Variants in GNAL observed in about 807,000 individuals in gnomAD.
The protein encoded by GNAL is guanine nucleotide-binding protein G(olf) subunit alpha.
Under a neutral mutation model 55.1 loss-of-function variants are expected in GNAL, and 18 were observed. The ratio of observed to expected loss-of-function variants is 0.33; its 90% CI spans 0.23 to 0.48. The LOEUF is 0.48. Ranked by LOEUF, GNAL falls within the 20% of genes least tolerant of loss-of-function variation. The pLI, the probability that GNAL is intolerant of heterozygous loss-of-function variation, is 0.99. For synonymous variants in GNAL, 253 were observed against 237.0 expected (o/e 1.07, Z -0.62); for missense variants, 412 against 614.1 (o/e 0.67, Z 3.48).
At chr18:11,728,285 G>T (rs1201763062) in intron 1 of GNAL, among the ~76,000 whole-genome samples, 2 of 152,008 alleles carry the variant, frequency 1.3e-5, no homozygotes, top group Non-Finnish European at 2.9e-5. Flanking sequence ...GTGGGGTGGG[G>T]GGAGTAAGGC....
chr18:11,776,366 T>G (rs1017237574), intron 4 of GNAL, among the ~76,000 whole-genome samples: 3 of 152,196 alleles, frequency 2.0e-5, no homozygotes, highest in Admixed American at 6.5e-5. Flanking sequence ...TTCACACTTG[T>G]AAGAGCGTCA....
chr18:11,758,352 C>T (rs963240178), intron 4 of GNAL, among the ~76,000 whole-genome samples: 1 of 152,130 alleles, frequency 6.6e-6, no homozygotes, highest in East Asian at 1.9e-4. Flanking sequence ...TATCCATAAA[C>T]TGGTATTGTT....
Position 11,752,374 on chromosome 18 carries a change from A to G in GNAL, c.377-479A>G, listed in dbSNP as rs1285353763. ...GTCGCAGGAGCCGCACACGTCTCCA[A>G]CTCTCTATTGCTTTTTGCGCACATT... On this transcript the variant is annotated intron_variant, in intron 1 of 11. Transcript: ENST00000334049. This position sits in a 1 kb window ranked among gnomAD's most constrained non-coding sequence, Gnocchi z 4.5. 1 of 1,555,726 alleles carries G rather than the reference A, an allele frequency of 6.4e-7. No individual in the cohort carries two copies. Among genetic ancestry groups the G allele is most frequent in the South Asian group, 1.2e-5 (1 of 84,268 alleles).
intron 5 of GNAL, among the ~76,000 whole-genome samples, chr18:11,827,805 A>G (rs2035285584): frequency 6.6e-6 from 1 of 151,696 alleles, no homozygotes; most frequent in African/African-American, 2.4e-5. Context: ...CCCCGTCTCT[A>G]CTAAAAATAC....
At chr18:11,797,895 T>A (rs1408293786) in intron 4 of GNAL, among the ~76,000 whole-genome samples, 5 of 152,180 alleles carry the variant, frequency 3.3e-5, no homozygotes, top group Non-Finnish European at 7.4e-5. Context: ...TGTTTTGGGA[T>A]CAGCCAGTGA....
chr18:11,832,001 C>G (rs979531448), intron 5 of GNAL, among the ~76,000 whole-genome samples: 1 of 152,170 alleles, frequency 6.6e-6, no homozygotes, highest in Non-Finnish European at 1.5e-5. Context: ...GTGCAAATTA[C>G]CAGAGATTAT....
chr18:11,857,635 A>G (rs73409587), intron 5 of GNAL: 86,204 of 985,168 alleles, frequency 0.088, 4,565 homozygotes, highest in African/African-American at 0.24. Flanking sequence ...ACCATGAATC[A>G]CTGATCACCT....
At chr18:11,759,673 C>CT (rs1360163376) in intron 4 of GNAL, among the ~76,000 whole-genome samples, 1 of 152,268 alleles carries the variant, frequency 6.6e-6, no homozygotes, top group Non-Finnish European at 1.5e-5. Context: ...CCTACACCCA[C>CT]TGCAGCTTGG....
chr18:11,859,749 CTTT>C (rs560753290), intron 5 of GNAL, among the ~76,000 whole-genome samples: 1 of 144,942 alleles, frequency 6.9e-6, no homozygotes. Context: ...AGTTGACATT[CTTT>C]TTTTTTTTTT....
chr18:11,748,562 T>C (rs2032742917), intron 1 of GNAL, among the ~76,000 whole-genome samples: 1 of 152,182 alleles, frequency 6.6e-6, no homozygotes, highest in African/African-American at 2.4e-5. Flanking sequence ...CCTTCTTAAA[T>C]TTCAAATATA....
At chr18:11,701,586 A>G (rs2031572697) in intron 1 of GNAL, among the ~76,000 whole-genome samples, 1 of 151,148 alleles carries the variant, frequency 6.6e-6, no homozygotes, top group Non-Finnish European at 1.5e-5. Flanking sequence ...AAAAAAGCAT[A>G]ATGCTGTTAT....
chr18:11,768,966 ATAT>A (rs1296846273), intron 4 of GNAL, among the ~76,000 whole-genome samples: 5 of 81,582 alleles, frequency 6.1e-5, no homozygotes, highest in African/African-American at 1.8e-4. Context: ...TATATATAAT[ATAT>A]TATATATATT....
At chr18:11,700,804 G>A (rs2031548191) in intron 1 of GNAL, among the ~76,000 whole-genome samples, 2 of 152,208 alleles carry the variant, frequency 1.3e-5, no homozygotes, top group Admixed American at 6.5e-5. Flanking sequence ...TAGTTGAAAA[G>A]TGAATTTTCT....
chr18:11,711,810 T>A (rs891856197), intron 1 of GNAL, among the ~76,000 whole-genome samples: 1 of 152,224 alleles, frequency 6.6e-6, no homozygotes, highest in African/African-American at 2.4e-5. Flanking sequence ...TATGTTGGTA[T>A]CTGTCCATTT....
At chr18:11,852,521 A>G (rs1437689390) in intron 5 of GNAL, 3 of 194,784 alleles carry the variant, frequency 1.5e-5, no homozygotes, top group African/African-American at 4.8e-5. Context: ...GAGAGGGGAA[A>G]GATTACTTAG....
At chr18:11,799,909 C>G (rs935638491) in intron 4 of GNAL, among the ~76,000 whole-genome samples, 7 of 152,056 alleles carry the variant, frequency 4.6e-5, no homozygotes, top group African/African-American at 7.2e-5. Flanking sequence ...CTCTCTCGCC[C>G]CTCACTCTTC....
At chr18:11,852,227 T>G in intron 5 of GNAL, 1 of 1,321,612 alleles carries the variant, frequency 7.6e-7, no homozygotes, top group Non-Finnish European at 1.0e-6. Context: ...TGAAATGCCC[T>G]TCTACCTTTG....
chr18:11,689,277 G>T lies in GNAL; in HGVS notation c.-287G>T, dbSNP rs943547700. ...TCGCGGAGGCCCGTCGGTTCGGTCC[G>T]CTCTGGGCGTTAGCAAGTGATCTCC... On this transcript the variant is annotated 5_prime_UTR_variant, in exon 1 of 12. Transcript: ENST00000334049. 1.1e-5 allele frequency: 3 copies of T among 277,752 alleles called. No homozygotes were observed. Among genetic ancestry groups the T allele is most frequent in the South Asian group, 1.7e-4 (1 of 5,972 alleles). 17.2% of individuals were successfully genotyped at this position (277,752 alleles called of 1,614,324 possible).
At chr18:11,788,908 AAAAAAAATATATAT>A (rs1244005426) in intron 4 of GNAL, among the ~76,000 whole-genome samples, 1 of 73,318 alleles carries the variant, frequency 1.4e-5, no homozygotes, top group Non-Finnish European at 2.5e-5. Flanking sequence ...AAAAAAAAAA[AAAAAAAATATATAT>A]ATATATATAT....
Sources: allele counts gnomAD v4.1 joint callset (sites outside exome capture counted in the v4.1 genomes callset), GRCh38; gene constraint gnomAD v4.1.1; non-coding constraint Gnocchi (gnomAD v3.1); transcripts MANE v1.5; gene names NCBI Gene and HGNC (gene_info 2026-07-23, HGNC 2026-07-21).